The following SAMD12 variants were observed in gnomAD, a reference collection of about 807,000 sequenced individuals.
SAMD12 encodes the protein sterile alpha motif domain-containing protein 12.
A neutral mutation model predicts 15.0 loss-of-function variants in SAMD12; 9 were observed. That is an observed-to-expected ratio of 0.60 (90% CI 0.36 to 1.05). The LOEUF (loss-of-function observed/expected upper bound fraction) is 1.05, where lower values mean the gene tolerates loss of function less well. SAMD12 is among the 50% of genes least tolerant of loss of function. SAMD12 has a pLI of 0.01. For missense variants in SAMD12, 230 were observed against 234.2 expected (o/e 0.98, Z 0.12); for synonymous variants, 86 against 90.1 (o/e 0.96, Z 0.25).
intron 4 of SAMD12, among the ~76,000 whole-genome samples, chr8:118,227,578 G>A (rs2129902997): frequency 6.6e-6 from 1 of 152,234 alleles, no homozygotes; most frequent in South Asian, 2.1e-4. Context: ...CATGGAATAT[G>A]ATACTGGGTA....
intron 2 of SAMD12, among the ~76,000 whole-genome samples, chr8:118,512,279 A>G (rs1292039030): frequency 6.6e-6 from 1 of 152,210 alleles, no homozygotes; most frequent in African/African-American, 2.4e-5. Context: ...ACCAGAAAGT[A>G]AAGCAAAGAA....
intron 4 of SAMD12, among the ~76,000 whole-genome samples, chr8:118,231,841 T>C (rs938040619): frequency 6.6e-6 from 1 of 151,892 alleles, no homozygotes; most frequent in African/African-American, 2.4e-5. Flanking sequence ...ATTGAGTTCT[T>C]GCCATGAGAA....
chr8:118,491,856 A>G (rs1347752800), intron 2 of SAMD12, among the ~76,000 whole-genome samples: 1 of 152,218 alleles, frequency 6.6e-6, no homozygotes, highest in Non-Finnish European at 1.5e-5. Context: ...TTATTGATAG[A>G]TATGAATTGT....
chr8:118,154,381 T>C, the SAMD12 span, among the ~76,000 whole-genome samples: 12 of 152,326 alleles, frequency 7.9e-5, no homozygotes, highest in African/African-American at 2.9e-4. Context: ...ACAGCCTCTG[T>C]CAGACCAAAA....
chr8:118,139,323 T>A, the SAMD12 span, among the ~76,000 whole-genome samples: 2 of 152,148 alleles, frequency 1.3e-5, no homozygotes, highest in Non-Finnish European at 2.9e-5. Flanking sequence ...ATTCACTCAA[T>A]GAAAATTAAC....
chr8:118,548,367 TACACTAAAAAC>T (rs1198145066), intron 2 of SAMD12, among the ~76,000 whole-genome samples: 1 of 146,608 alleles, frequency 6.8e-6, no homozygotes, highest in African/African-American at 2.5e-5. Flanking sequence ...TAATACCCTT[TACACTAAAAAC>T]ACACATACAC....
intron 4 of SAMD12, among the ~76,000 whole-genome samples, chr8:118,242,403 T>C (rs1157066490): frequency 6.6e-6 from 1 of 152,136 alleles, no homozygotes; most frequent in Non-Finnish European, 1.5e-5. Context: ...GGCCTTGTTT[T>C]CCATGGTTGC....
chr8:118,446,790 A>G (rs1822928912), intron 2 of SAMD12, among the ~76,000 whole-genome samples: 2 of 152,146 alleles, frequency 1.3e-5, no homozygotes, highest in Non-Finnish European at 2.9e-5. Context: ...ATGTCGTATC[A>G]GGGCTCTCCA....
chr8:118,563,684 T>A (rs1407093358), intron 2 of SAMD12, among the ~76,000 whole-genome samples: 2 of 152,232 alleles, frequency 1.3e-5, no homozygotes, highest in East Asian at 3.8e-4. Context: ...TCTACTTGCA[T>A]CTCTATAATT....
chr8:118,143,404 A>T, the SAMD12 span, among the ~76,000 whole-genome samples: 1 of 152,362 alleles, frequency 6.6e-6, no homozygotes, highest in Non-Finnish European at 1.5e-5. Context: ...AAATTGAGGC[A>T]TAAATACCCT....
intron 3 of SAMD12, among the ~76,000 whole-genome samples, chr8:118,431,332 A>G (rs1473841782): frequency 2.0e-5 from 3 of 152,170 alleles, no homozygotes; most frequent in African/African-American, 7.2e-5. Context: ...ATTTTCTGAC[A>G]TTCTTCCTTT....
chr8:118,349,247 T>C (rs766761654), intron 4 of SAMD12, among the ~76,000 whole-genome samples: 2 of 152,242 alleles, frequency 1.3e-5, no homozygotes, highest in Admixed American at 6.5e-5. Context: ...CTATCTCCAG[T>C]TGAAGAATGT....
chr8:118,492,121 CCTTT>C (rs1824457531), intron 2 of SAMD12, among the ~76,000 whole-genome samples: 2 of 112,580 alleles, frequency 1.8e-5, no homozygotes, highest in Non-Finnish European at 3.5e-5. Flanking sequence ...ACTGGTGTTG[CCTTT>C]TTTTTTTTTT....
intron 2 of SAMD12, among the ~76,000 whole-genome samples, chr8:118,478,013 C>CAA (rs10629817): frequency 0.42 from 36,647 of 87,614 alleles, 7,614 homozygotes; most frequent in Non-Finnish European, 0.52. Context: ...GACCCTGTCT[C>CAA]AAAAAAAAAA....
At position 118,379,652 on chromosome 8, in the gene SAMD12, A is replaced by T. The variant is rs772455664; in HGVS notation, c.371T>A (p.Ile124Asn). 6.2e-7 allele frequency: 1 copy of T among 1,613,884 alleles called. No individual in the cohort carries two copies. The highest frequency in any genetic ancestry group is 2.2e-5 in the East Asian group (1 of 44,866). Residue 124 changes from isoleucine to asparagine, a missense_variant, in exon 4 of 4, where the codon ATT becomes AAT. Ile to Asn is a moderately radical substitution (Grantham distance 149). Transcript: ENST00000314727. ...LTDKKLERMG[I>N]AQENLRQHIL... ...GTGCTGCCGGAGGTTCTCCTGGGCA[A>T]TCCCCATTCGCTCGAGCTTTTTGTC... is the stretch of plus-strand genomic sequence containing the variant.
At chr8:118,199,752 G>A (rs912454841) in intron 4 of SAMD12, among the ~76,000 whole-genome samples, 1 of 152,174 alleles carries the variant, frequency 6.6e-6, no homozygotes, top group East Asian at 1.9e-4. Flanking sequence ...GTATACTTTA[G>A]AGCACTTTCC....
At chr8:118,472,219 G>A (rs138652603) in intron 2 of SAMD12, among the ~76,000 whole-genome samples, 2,058 of 152,008 alleles carry the variant, frequency 0.014, 12 homozygotes, top group Middle Eastern at 0.024. Flanking sequence ...CCCGGGAGGC[G>A]GAGCTTGCAG....
At chr8:118,354,456 T>G (rs1195189367) in intron 4 of SAMD12, among the ~76,000 whole-genome samples, 8 of 152,254 alleles carry the variant, frequency 5.3e-5, no homozygotes, top group Non-Finnish European at 1.2e-4. Context: ...AAATGGAGTT[T>G]TCTTCCAGTT....
intron 3 of SAMD12, among the ~76,000 whole-genome samples, chr8:118,388,119 G>A (rs1820062363): frequency 6.6e-6 from 1 of 152,210 alleles, no homozygotes; most frequent in Non-Finnish European, 1.5e-5. Context: ...TTAGTAGGAA[G>A]AGCATTCAAG....
Sources: allele counts gnomAD v4.1 joint callset (sites outside exome capture counted in the v4.1 genomes callset), GRCh38; gene constraint gnomAD v4.1.1; transcripts MANE v1.5; gene names NCBI Gene and HGNC (gene_info 2026-07-23, HGNC 2026-07-21).